FBXW11: variants seen among roughly 807,000 people sequenced by gnomAD.
FBXW11 encodes the protein F-box/WD repeat-containing protein 11.
In FBXW11, 19 loss-of-function variants were observed where a neutral mutation model predicts 77.6. The observed-to-expected ratio is 0.24, with a 90% CI of 0.17 to 0.36. The LOEUF (loss-of-function observed/expected upper bound fraction) is 0.36. Among genes scored for constraint, FBXW11 ranks in the 10% least tolerant of loss-of-function variants. The pLI, the probability that FBXW11 is intolerant of heterozygous loss-of-function variation, is 1.00. For synonymous variants in FBXW11, 235 were observed against 249.4 expected, an observed-to-expected ratio of 0.94 and a Z score of 0.54; for missense variants, 334 against 704.2, an observed-to-expected ratio of 0.47 and a Z score of 5.95.
At chr5:171,905,376 A>G (rs1581178661) in intron 4 of FBXW11, among the ~76,000 whole-genome samples, 1 of 152,202 alleles carries the variant, frequency 6.6e-6, no homozygotes, top group Admixed American at 6.5e-5. Context: ...CTCATTTTAC[A>G]TAGAGGGAAC....
chr5:171,993,528 G>A lies in FBXW11; in HGVS notation c.45+12930C>T, dbSNP rs575357749. 6.6e-5 allele frequency among the ~76,000 whole-genome samples: 10 copies of A among 152,174 alleles called. No individual in the cohort carries two copies. In the South Asian group the frequency reaches 1.9e-3, roughly 28 times the overall value. ...CTCAGAAGGCTGAGGCAGGAGAATC[G>A]ATTGAACCTGAGAGGCGGAGGTTGC... is the stretch of plus-strand genomic sequence containing the variant. On this transcript the variant is annotated intron_variant, in intron 1 of 13. Coordinates refer to ENST00000517395, the MANE Select transcript of FBXW11 (RefSeq NM_001378974.1).
chr5:171,892,387 A>G (rs576609184), intron 6 of FBXW11, among the ~76,000 whole-genome samples: 1 of 152,344 alleles, frequency 6.6e-6, no homozygotes, highest in East Asian at 1.9e-4. Context: ...ACAGAGTTTA[A>G]TTTGCCTGCA....
intron 6 of FBXW11, among the ~76,000 whole-genome samples, chr5:171,894,759 T>C (rs1581163915): frequency 7.0e-6 from 1 of 143,876 alleles, no homozygotes; most frequent in Non-Finnish European, 1.5e-5. Context: ...TGGTAGAAAA[T>C]ACCTAGGTCA....
intron 2 of FBXW11, among the ~76,000 whole-genome samples, chr5:171,951,373 A>C (rs1441082457): frequency 6.6e-6 from 1 of 152,062 alleles, no homozygotes; most frequent in East Asian, 1.9e-4. Context: ...CTGTCTGTAC[A>C]AAAAACTGAA....
At chr5:171,980,947 T>C (rs556334517) in intron 1 of FBXW11, among the ~76,000 whole-genome samples, 18 of 152,242 alleles carry the variant, frequency 1.2e-4, no homozygotes, top group Non-Finnish European at 8.8e-5. Context: ...CTAGAGTTTA[T>C]GCTAATAAGG....
At chr5:171,976,366 C>T (rs1478899948) in intron 1 of FBXW11, among the ~76,000 whole-genome samples, 1 of 152,064 alleles carries the variant, frequency 6.6e-6, no homozygotes, top group African/African-American at 2.4e-5. Flanking sequence ...TAGAAATAGC[C>T]TTTTGATATA....
chr5:171,913,495 G>A (rs1213288848), intron 3 of FBXW11, among the ~76,000 whole-genome samples: 3 of 152,140 alleles, frequency 2.0e-5, no homozygotes, highest in Non-Finnish European at 4.4e-5. Flanking sequence ...ATAACAGCAT[G>A]TGCACTATTC....
chr5:171,870,895 C>T (rs748686392), intron 10 of FBXW11, 37 bp from the exon 11 acceptor site: 4 of 1,448,686 alleles, frequency 2.8e-6, no homozygotes, highest in Non-Finnish European at 3.9e-6. Context: ...AACAAATTCC[C>T]ACACACGATT....
At chr5:171,936,498 C>CAAAAA (rs551599131) in intron 2 of FBXW11, among the ~76,000 whole-genome samples, 29 of 63,856 alleles carry the variant, frequency 4.5e-4, no homozygotes, top group African/African-American at 1.3e-3. Context: ...CCTGTCTCAC[C>CAAAAA]AAAAAAAAAA....
chr5:171,878,829 A>G (rs1758309230), intron 7 of FBXW11, among the ~76,000 whole-genome samples: 1 of 152,076 alleles, frequency 6.6e-6, no homozygotes, highest in African/African-American at 2.4e-5. Flanking sequence ...TTAATGAAAA[A>G]GAATTGGCTC....
At chr5:171,891,312 C>T (rs1185417611) in intron 7 of FBXW11, among the ~76,000 whole-genome samples, 155 bp downstream of exon 7, 2 of 152,052 alleles carry the variant, frequency 1.3e-5, no homozygotes, top group African/African-American at 2.4e-5. Flanking sequence ...CGGGGAAATG[C>T]TCTGGCTCTA....
intron 2 of FBXW11, among the ~76,000 whole-genome samples, chr5:171,952,449 T>TA (rs1561716455): frequency 2.7e-4 from 3 of 10,928 alleles, no homozygotes; most frequent in Non-Finnish European, 3.2e-4. Context: ...ATATATATAT[T>TA]TTTTTTTTTT....
At chr5:171,961,913 C>T (rs1228160938) in intron 1 of FBXW11, among the ~76,000 whole-genome samples, 1 of 152,202 alleles carries the variant, frequency 6.6e-6, no homozygotes, top group Non-Finnish European at 1.5e-5. Flanking sequence ...TCCCAAAGTG[C>T]TGGCATTAAA....
rs117761337 is a variant in FBXW11, at chr5:171,885,063, C to A, written c.852+6404G>T. ...TTCTTCCTCACCCCTTTATGCGTGACCAAATGGATGAGGGGGCTGGAGTTG... is the reference window on the plus strand; with the variant it reads ...TTCTTCCTCACCCCTTTATGCGTGAACAAATGGATGAGGGGGCTGGAGTTG... On this transcript the variant is annotated intron_variant, in intron 7 of 13. Coordinates refer to ENST00000517395, the MANE Select transcript of FBXW11 (RefSeq NM_001378974.1). Among the ~76,000 whole-genome samples the A allele has an allele frequency of 2.5e-3, 385 of 152,246 alleles. 10 individuals are homozygous for A. The East Asian group carries it at 0.058, about 23-fold the overall frequency.
chr5:171,988,087 AG>A (rs1297377923), intron 1 of FBXW11, among the ~76,000 whole-genome samples: 2 of 152,342 alleles, frequency 1.3e-5, no homozygotes, highest in Non-Finnish European at 2.9e-5. Flanking sequence ...GTCAGAAAAA[AG>A]TCTCTCTAAT....
chr5:171,955,588 G>T (rs1289798595), intron 2 of FBXW11, among the ~76,000 whole-genome samples: 2 of 152,118 alleles, frequency 1.3e-5, no homozygotes, highest in African/African-American at 4.8e-5. Context: ...ACAGAGGAAG[G>T]AAGTCTTCCA....
chr5:171,925,479 C>T (rs1050461584), intron 2 of FBXW11, among the ~76,000 whole-genome samples: 12 of 151,946 alleles, frequency 7.9e-5, no homozygotes, highest in Admixed American at 6.6e-4. Context: ...TTTGGTTTTT[C>T]GTTTTGTTTT....
chr5:171,911,254 A>C (rs1019942580), intron 3 of FBXW11, among the ~76,000 whole-genome samples: 4 of 152,230 alleles, frequency 2.6e-5, no homozygotes, highest in African/African-American at 7.2e-5. Flanking sequence ...ATTTATGCTA[A>C]TGGTTCTCAA....
chr5:171,944,574 C>CAAAAAAAAA (rs34106047), intron 2 of FBXW11, among the ~76,000 whole-genome samples: 1 of 80,546 alleles, frequency 1.2e-5, no homozygotes, highest in Non-Finnish European at 2.2e-5. Context: ...GACTCCATCT[C>CAAAAAAAAA]AAAAAAAAAA....
Sources: allele counts gnomAD v4.1 joint callset (sites outside exome capture counted in the v4.1 genomes callset), GRCh38; gene constraint gnomAD v4.1.1; transcripts MANE v1.5; gene names NCBI Gene and HGNC (gene_info 2026-07-23, HGNC 2026-07-21).